Variants in SH3RF3 observed in about 807,000 individuals in gnomAD.
SH3RF3 encodes the protein SH3 domain containing ring finger 3.
Under a neutral mutation model 66.3 loss-of-function variants are expected in SH3RF3, and 29 were observed. That is an observed-to-expected ratio of 0.44 (90% CI 0.33 to 0.60). The LOEUF (loss-of-function observed/expected upper bound fraction) is 0.60, where lower values mean the gene tolerates loss of function less well. Ranked by LOEUF, SH3RF3 falls within the 20% of genes least tolerant of loss-of-function variation. SH3RF3 has a pLI of 0.04. For missense variants in SH3RF3, 1,194 were observed against 1,190.9 expected, an observed-to-expected ratio of 1.00 and a Z score of -0.04; for synonymous variants, 583 against 532.0, an observed-to-expected ratio of 1.10 and a Z score of -1.32.
intron 1 of SH3RF3, among the ~76,000 whole-genome samples, chr2:109,131,366 C>T (rs1439961931): frequency 6.6e-6 from 1 of 152,134 alleles, no homozygotes; most frequent in Non-Finnish European, 1.5e-5. Flanking sequence ...TGATTAAATC[C>T]AGCTAAATGC....
chr2:109,379,862 G>T (rs569024723), intron 3 of SH3RF3, among the ~76,000 whole-genome samples: 4 of 152,160 alleles, frequency 2.6e-5, no homozygotes, highest in African/African-American at 9.7e-5. Context: ...ACCCAATGGC[G>T]TGTCTCCTGG....
intron 4 of SH3RF3, among the ~76,000 whole-genome samples, chr2:109,409,364 C>G (rs1049156925): frequency 2.0e-5 from 3 of 152,204 alleles, no homozygotes; most frequent in Non-Finnish European, 4.4e-5. Flanking sequence ...GCCGCAGTGA[C>G]TCAGCTCCAC....
At chr2:109,487,913 G>A (rs573710183) in intron 8 of SH3RF3, among the ~76,000 whole-genome samples, 48 of 127,274 alleles carry the variant, frequency 3.8e-4, no homozygotes, top group African/African-American at 1.6e-3. Flanking sequence ...AAACAAACAC[G>A]ACCCCTGTAC....
At chr2:109,452,945 C>T (rs1034988580) in intron 8 of SH3RF3, among the ~76,000 whole-genome samples, 4 of 149,040 alleles carry the variant, frequency 2.7e-5, no homozygotes, top group East Asian at 2.0e-4. Flanking sequence ...AGGCTGGTGC[C>T]GGGAGGCTGG....
intron 3 of SH3RF3, among the ~76,000 whole-genome samples, chr2:109,380,779 C>T (rs1351847829): frequency 1.3e-5 from 2 of 152,198 alleles, no homozygotes; most frequent in African/African-American, 2.4e-5. Context: ...CCCTGCCCAC[C>T]AGGTGCCCCC....
chr2:109,386,225 G>A (rs1004564139), intron 3 of SH3RF3, among the ~76,000 whole-genome samples: 1 of 152,182 alleles, frequency 6.6e-6, no homozygotes, highest in African/African-American at 2.4e-5. Context: ...CAGGCTTCCG[G>A]CCTTCTCCCC....
At chr2:109,270,592 C>T (rs1195522694) in intron 1 of SH3RF3, among the ~76,000 whole-genome samples, 1 of 152,316 alleles carries the variant, frequency 6.6e-6, no homozygotes, top group Non-Finnish European at 1.5e-5. Context: ...AAGCGGACTT[C>T]ATCCCAGGAG....
chr2:109,159,495 C>G (rs1677433497), intron 1 of SH3RF3, among the ~76,000 whole-genome samples: 5 of 152,202 alleles, frequency 3.3e-5, no homozygotes, highest in Admixed American at 2.6e-4. Flanking sequence ...AGTCAGCTTT[C>G]CTTGTTAATG....
chr2:109,268,742 TAAAA>T (rs11428324), intron 1 of SH3RF3, among the ~76,000 whole-genome samples: 1 of 150,078 alleles, frequency 6.7e-6, no homozygotes, highest in Non-Finnish European at 1.5e-5. Context: ...TACTTTATTA[TAAAA>T]AAAAAAAGGC....
chr2:109,419,791 G>A lies in SH3RF3; in HGVS notation c.1403+149G>A, dbSNP rs10187551. 2.0e-5 allele frequency: 14 copies of A among 706,722 alleles called. No individual in the cohort carries two copies. In the African/African-American group the frequency reaches 2.1e-4, roughly 11 times the overall value. The allele number at this position is 706,722 out of a possible 1,614,324, so 43.8% of individuals were successfully genotyped here. On this transcript the variant is annotated intron_variant, in intron 5 of 9. Transcript: ENST00000309415. ...ATGTGCGTCTAATAACACCGCTGAA[G>A]GGAGAGTGTGGAAGACAAAAGTCTA...
In SH3RF3 at chr2:109,182,604, C is replaced by T. The variant is rs78445247; in HGVS notation, c.573+52491C>T. Among the ~76,000 whole-genome samples, 528 of 152,182 alleles carry T rather than the reference C, an allele frequency of 3.5e-3. 21 individuals carry two copies. In the East Asian group the frequency reaches 0.092, roughly 26 times the overall value. On this transcript the variant is annotated intron_variant, in intron 1 of 9. Coordinates refer to ENST00000309415, the MANE Select transcript of SH3RF3 (RefSeq NM_001099289.3). The stretch of plus-strand genomic sequence containing the variant: ...TTTTGCATTAATTGCAAGAATGAAT[C>T]GATGTTGCGTAAATTGGTGACTAAA...
intron 1 of SH3RF3, among the ~76,000 whole-genome samples, chr2:109,227,302 C>T (rs1246663014): frequency 6.6e-6 from 1 of 152,142 alleles, no homozygotes; most frequent in Admixed American, 6.5e-5. Context: ...ATGTCAGGCA[C>T]ACAAAGCTAC....
chr2:109,486,284 T>G (rs1039932219), intron 8 of SH3RF3, among the ~76,000 whole-genome samples: 2 of 152,168 alleles, frequency 1.3e-5, no homozygotes, highest in Non-Finnish European at 2.9e-5. Context: ...GCAAAATCTT[T>G]GGGGGTGGGG....
intron 8 of SH3RF3, among the ~76,000 whole-genome samples, chr2:109,457,264 C>T (rs1316776673): frequency 1.3e-5 from 2 of 152,086 alleles, no homozygotes; most frequent in Non-Finnish European, 2.9e-5. Context: ...TTAAATGATC[C>T]ATACAGATGT....
intron 1 of SH3RF3, among the ~76,000 whole-genome samples, chr2:109,209,589 A>G (rs1389751238): frequency 6.6e-6 from 1 of 152,050 alleles, no homozygotes; most frequent in Non-Finnish European, 1.5e-5. Context: ...CTTCCTTTTG[A>G]GTTTCCTATC....
intron 1 of SH3RF3, among the ~76,000 whole-genome samples, chr2:109,171,299 T>G (rs1677776825): frequency 6.6e-6 from 1 of 152,242 alleles, no homozygotes; most frequent in African/African-American, 2.4e-5. Context: ...TTTATTTCCT[T>G]GTCATATCTA....
chr2:109,460,114 C>T (rs1254004680), intron 8 of SH3RF3, among the ~76,000 whole-genome samples: 1 of 152,204 alleles, frequency 6.6e-6, no homozygotes, highest in Non-Finnish European at 1.5e-5. Context: ...GAGCCCATTG[C>T]TGCACTTCAT....
chr2:109,306,343 C>T (rs1186045455), intron 1 of SH3RF3, among the ~76,000 whole-genome samples: 1 of 152,232 alleles, frequency 6.6e-6, no homozygotes, highest in Non-Finnish European at 1.5e-5. Flanking sequence ...TCCCTGCCTC[C>T]AACCCCTGCG....
At chr2:109,243,550 A>G (rs552373877) in intron 1 of SH3RF3, among the ~76,000 whole-genome samples, 2 of 152,330 alleles carry the variant, frequency 1.3e-5, no homozygotes, top group East Asian at 1.9e-4. Context: ...AATTAACACC[A>G]TGGGAACCTA....
Sources: gnomAD v4.1 joint callset for allele counts (sites outside exome capture counted in the v4.1 genomes callset) on GRCh38, gnomAD v4.1.1 for gene constraint, MANE v1.5 for transcripts, NCBI Gene and HGNC (gene_info 2026-07-23, HGNC 2026-07-21) for gene names.